The following SEC16B variants were observed in gnomAD, a reference collection of about 807,000 sequenced individuals.
The protein encoded by SEC16B is SEC16 homolog B, endoplasmic reticulum export factor, also known as protein transport protein Sec16B.
In SEC16B, 115 loss-of-function variants were observed where a neutral mutation model predicts 141.8. That is an observed-to-expected ratio of 0.81 (90% CI 0.70 to 0.95). SEC16B has a LOEUF of 0.95. Among genes scored for constraint, SEC16B ranks in the 40% least tolerant of loss-of-function variants. The pLI is 0.00. For synonymous variants in SEC16B, 493 were observed against 492.5 expected, an observed-to-expected ratio of 1.00 and a Z score of -0.01; for missense variants, 1,291 against 1,312.3, an observed-to-expected ratio of 0.98 and a Z score of 0.25.
At chr1:177,972,697 T>C (rs1355802208), upstream of SEC16B, among the ~76,000 whole-genome samples, 3 of 152,214 alleles carry the variant, frequency 2.0e-5, no homozygotes, top group African/African-American at 7.2e-5. Context: ...GTCTAGGGTC[T>C]AGCTTCAAAC....
intron 1 of SEC16B, among the ~76,000 whole-genome samples, chr1:177,975,272 C>A (rs1203993055): frequency 6.6e-6 from 1 of 152,170 alleles, no homozygotes; most frequent in Admixed American, 6.5e-5. Context: ...CAGTGCCTTG[C>A]ACAGTGCCTG....
Position 177,961,619 on chromosome 1 carries a change from G to T in SEC16B, c.758C>A (p.Ala253Asp), listed in dbSNP as rs1459722455. 1 of 1,613,768 alleles carries T rather than the reference G, an allele frequency of 6.2e-7. No homozygotes were observed. The highest frequency in any genetic ancestry group is 8.5e-7 in the Non-Finnish European group (1 of 1,179,820). The part of the protein sequence containing the change: ...RDAPERDDPP[A>D]SAAWSPVQAD... ...CTGAACTGGACTCCAAGCTGCTGAA[G>T]CTGGGGGATCATCCCGCTCCGGGGC... The change falls in exon 6 of 26, where the codon GCT becomes GAT. Residue 253 changes from alanine to aspartate, a missense_variant. Physicochemically the swap from Ala to Asp is moderately radical, Grantham distance 126 (BLOSUM62 -2). Coordinates refer to ENST00000308284, the MANE Select transcript of SEC16B (RefSeq NM_033127.4).
intron 11 of SEC16B, 52 bp downstream of exon 11, chr1:177,954,227 G>T: frequency 7.4e-7 from 1 of 1,342,332 alleles, no homozygotes; most frequent in Non-Finnish European, 1.0e-6. Context: ...CTCCACCTTT[G>T]GTGAGGAGGC....
intron 1 of SEC16B, 66 bp downstream of exon 1, chr1:177,969,818 C>G (rs1167362922): frequency 6.6e-6 from 1 of 152,170 alleles, no homozygotes; most frequent in Non-Finnish European, 1.5e-5. Context: ...CTTGCCTTTC[C>G]TAATCTGACG....
intron 1 of SEC16B, among the ~76,000 whole-genome samples, chr1:177,979,817 T>C (rs1654330768): frequency 6.6e-6 from 1 of 152,162 alleles, no homozygotes; most frequent in Non-Finnish European, 1.5e-5. Flanking sequence ...AGAGAGCTTG[T>C]GTAGGGAAAC....
At chr1:177,964,746 T>C (rs557381605) in intron 4 of SEC16B, among the ~76,000 whole-genome samples, 1 of 152,298 alleles carries the variant, frequency 6.6e-6, no homozygotes, top group Admixed American at 6.5e-5. Context: ...TGCTAGGCCA[T>C]ATCTGTTCTA....
At chr1:177,936,987 G>T (rs142065574) in intron 19 of SEC16B, among the ~76,000 whole-genome samples, 1 of 152,132 alleles carries the variant, frequency 6.6e-6, no homozygotes, top group Admixed American at 6.5e-5. Context: ...GTACCCAGTG[G>T]AGAGATGGAC....
intron 5 of SEC16B, among the ~76,000 whole-genome samples, chr1:177,963,282 C>T (rs983688192): frequency 2.0e-5 from 3 of 151,718 alleles, no homozygotes; most frequent in African/African-American, 4.8e-5. Flanking sequence ...ATAAGGGAGA[C>T]AAGATTAATA....
intron 11 of SEC16B, among the ~76,000 whole-genome samples, chr1:177,953,482 A>G (rs1336784): frequency 0.28 from 41,895 of 151,880 alleles, 6,384 homozygotes; most frequent in East Asian, 0.54. Context: ...GTCCCTCACC[A>G]CCCCCACCAC....
rs1651721483 is a variant in SEC16B at position 177,946,496 on chromosome 1, A to G, written c.1699T>C (p.Tyr567His). 3 of 1,583,732 alleles carry G rather than the reference A, an allele frequency of 1.9e-6. No individual in the cohort carries two copies. Among genetic ancestry groups the G allele is most frequent in the Non-Finnish European group, 2.6e-6 (3 of 1,165,594 alleles). ...CCAAAGGGCACGTGAGCCATGAGAT[A>G]GCAGAAGTGAGCTGCCTCCACAAGC... ...KGLVEAAHFC[Y>H]LMAHVPFGHY... Residue 567 changes from tyrosine to histidine, a missense_variant, in exon 14 of 26, where the codon TAT (tyrosine) becomes CAT (histidine). By Grantham distance (83) the Tyr-to-His change is moderately conservative. This residue lies in a region of SEC16B where 605 missense variants were observed against 614.1 expected (regional missense o/e 0.99). Transcript: ENST00000308284.
At chr1:177,938,904 A>G (rs1651064017) in intron 18 of SEC16B, among the ~76,000 whole-genome samples, 1 of 152,208 alleles carries the variant, frequency 6.6e-6, no homozygotes, top group African/African-American at 2.4e-5. Context: ...TGGACCTATA[A>G]CAAGATTGGT....
chr1:177,978,346 A>G (rs79943341), intron 1 of SEC16B, among the ~76,000 whole-genome samples: 2,526 of 152,336 alleles, frequency 0.017, 28 homozygotes, highest in Non-Finnish European at 0.028. Flanking sequence ...AAAAGCACTC[A>G]GCACACTCCC....
intron 18 of SEC16B, 102 bp from the exon 19 acceptor site, chr1:177,937,615 G>C: frequency 9.4e-7 from 1 of 1,069,512 alleles, no homozygotes; most frequent in Non-Finnish European, 1.3e-6. Context: ...TTGGAAAGCA[G>C]TCACAAGGAC....
intron 20 of SEC16B, among the ~76,000 whole-genome samples, chr1:177,934,916 C>G (rs563973422): frequency 6.6e-6 from 1 of 152,088 alleles, no homozygotes; most frequent in Non-Finnish European, 1.5e-5. Context: ...TTACCATGGT[C>G]GTGGAGGCCC....
At position 177,954,320 on chromosome 1, in the gene SEC16B, G is replaced by A. The variant is rs1161508963; in HGVS notation, c.1422C>T (p.Ser474=). 6.4e-7 allele frequency: 1 copy of A among 1,574,194 alleles called. No individual in the cohort carries two copies. Residue 474 remains serine, a synonymous_variant, in exon 11 of 26, where the codon TCC becomes TCT. Coordinates refer to ENST00000308284, the MANE Select transcript of SEC16B (RefSeq NM_033127.4). ...NHLWGHALFL[S]SKMDPQTYSW... is the part of the protein sequence containing the mutation. ...TGTAGGTCTGTGGGTCCATCTTGCT[G>A]GACAGGAACAAAGCATGGCCCCACA...
chr1:177,976,680 C>T (rs2102024143), intron 1 of SEC16B, among the ~76,000 whole-genome samples: 1 of 152,246 alleles, frequency 6.6e-6, no homozygotes, highest in East Asian at 1.9e-4. Context: ...AAGTGTTTGG[C>T]AAATCACAAA....
At chr1:177,957,947 A>C (rs1241241881) in intron 10 of SEC16B, among the ~76,000 whole-genome samples, 185 bp downstream of exon 10, 1 of 152,042 alleles carries the variant, frequency 6.6e-6, no homozygotes, top group Non-Finnish European at 1.5e-5. Context: ...TATTTCATTT[A>C]ATAGTTCATT....
At chr1:177,958,491 G>A in intron 9 of SEC16B, 129 bp from the exon 10 acceptor site, 1 of 694,630 alleles carries the variant, frequency 1.4e-6, no homozygotes, top group Non-Finnish European at 2.3e-6. Context: ...ACATAAGGCA[G>A]TCCTTTGTTA....
intron 20 of SEC16B, among the ~76,000 whole-genome samples, chr1:177,934,041 T>C (rs1650658553): frequency 6.6e-6 from 1 of 150,738 alleles, no homozygotes; most frequent in African/African-American, 2.4e-5. Flanking sequence ...ACATAACTCA[T>C]CTTAGAGCTC....
Sources: gnomAD v4.1 joint callset for allele counts (sites outside exome capture counted in the v4.1 genomes callset) on GRCh38, gnomAD v4.1.1 for gene constraint, gnomAD v4.1.1 regional missense constraint, MANE v1.5 for transcripts, NCBI Gene and HGNC (gene_info 2026-07-23, HGNC 2026-07-21) for gene names.